ZDHHC14: variants seen among roughly 807,000 people sequenced by gnomAD.
ZDHHC14 encodes palmitoyltransferase ZDHHC14.
ZDHHC14 carries 16 observed loss-of-function variants against 47.7 expected under a neutral mutation model. That is an observed-to-expected ratio of 0.34 (90% CI 0.23 to 0.51). The LOEUF (loss-of-function observed/expected upper bound fraction) is 0.51. Ranked by LOEUF, ZDHHC14 falls within the 20% of genes least tolerant of loss-of-function variation. The pLI is 0.97. For synonymous variants in ZDHHC14, 293 were observed against 278.9 expected (o/e 1.05, Z -0.50); for missense variants, 515 against 662.5 (o/e 0.78, Z 2.44).
In ZDHHC14 at chr6:157,645,745, A is replaced by T; in HGVS notation, c.761A>T (p.Glu254Val). The T allele has an allele frequency of 5.0e-6, 8 of 1,613,814 alleles. No homozygotes were observed. The highest frequency in any genetic ancestry group is 6.8e-6 in the Non-Finnish European group (8 of 1,179,944). Residue 254 changes from glutamate (E) to valine (V), a missense_variant, in exon 6 of 9, where the codon GAG (glutamate) becomes GTG (valine). By Grantham distance (121) the Glu-to-Val change is moderately radical. Around this residue, in one of 4 missense-constraint regions of ZDHHC14, gnomAD observed 229 missense variants for 351.5 expected, o/e 0.65. Coordinates refer to ENST00000359775, the MANE Select transcript of ZDHHC14 (RefSeq NM_024630.3). ...ALKDSPASVL[E>V]AVVCFFSVWS... is the part of the protein sequence containing the mutation. Reference sequence around the variant, plus strand: ...TCCTTGACTCGCATCACCGTCCTGGAGGCTGTGGTGTGCTTCTTCTCTGTC... The same window carrying T: ...TCCTTGACTCGCATCACCGTCCTGGTGGCTGTGGTGTGCTTCTTCTCTGTC...
intron 8 of ZDHHC14, among the ~76,000 whole-genome samples, chr6:157,672,016 G>T (rs914571289): frequency 6.6e-6 from 1 of 151,946 alleles, no homozygotes; most frequent in African/African-American, 2.4e-5. Flanking sequence ...TCTTCCTCCC[G>T]CCCCAGCAGC....
At chr6:157,515,221 G>C (rs1212548564) in intron 1 of ZDHHC14, among the ~76,000 whole-genome samples, 3 of 152,074 alleles carry the variant, frequency 2.0e-5, no homozygotes, top group Non-Finnish European at 2.9e-5. Context: ...TATCGCTGGT[G>C]ACCAGAAGGT....
intron 1 of ZDHHC14, 152 bp from the exon 2 acceptor site, chr6:157,542,433 C>G: frequency 8.6e-7 from 1 of 1,159,676 alleles, no homozygotes; most frequent in South Asian, 1.6e-5. Flanking sequence ...AAACGTAAAT[C>G]TTTCACATAG....
chr6:157,580,610 G>A (rs1274886116), intron 2 of ZDHHC14, among the ~76,000 whole-genome samples: 4 of 152,026 alleles, frequency 2.6e-5, no homozygotes, highest in Non-Finnish European at 4.4e-5. Flanking sequence ...TCCTGGTTCA[G>A]TCTTTGGAGA....
At chr6:157,577,386 G>T (rs1417807140) in intron 2 of ZDHHC14, among the ~76,000 whole-genome samples, 1 of 152,186 alleles carries the variant, frequency 6.6e-6, no homozygotes, top group African/African-American at 2.4e-5. Context: ...ACCCAAAAAT[G>T]GGATTGCTGG....
intron 1 of ZDHHC14, among the ~76,000 whole-genome samples, chr6:157,518,208 A>G (rs1780771587): frequency 6.6e-6 from 1 of 152,170 alleles, no homozygotes; most frequent in Non-Finnish European, 1.5e-5. Flanking sequence ...ACTCTAAAGA[A>G]TCATGCACTA....
rs575618961 is a variant in ZDHHC14 at position 157,384,725 on chromosome 6, A to G, written c.245+2459A>G. On this transcript the variant is annotated intron_variant, in intron 1 of 8. Coordinates refer to ENST00000359775, the MANE Select transcript of ZDHHC14 (RefSeq NM_024630.3). ...TGTATTGCTTTCAAATTCTTTATTC[A>G]TAAATTAAATAACCAATTTGACCAA... Among the ~76,000 whole-genome samples the G allele has an allele frequency of 2.6e-5, 4 of 152,318 alleles. No individual in the cohort carries two copies. The East Asian group carries it at 7.7e-4, about 29-fold the overall frequency.
At chr6:157,660,568 C>G (rs1763255765) in intron 8 of ZDHHC14, among the ~76,000 whole-genome samples, 1 of 152,192 alleles carries the variant, frequency 6.6e-6, no homozygotes, top group Non-Finnish European at 1.5e-5. Context: ...CTCTTCAGAC[C>G]TGGCCCTATG....
chr6:157,510,170 G>T (rs1000884704), intron 1 of ZDHHC14, among the ~76,000 whole-genome samples: 2 of 152,202 alleles, frequency 1.3e-5, no homozygotes, highest in Admixed American at 1.3e-4. Flanking sequence ...CTTGAACCCG[G>T]AGGCTGGAAG....
At chr6:157,629,481 G>C (rs1460676915) in intron 4 of ZDHHC14, 1 of 147,248 alleles carries the variant, frequency 6.8e-6, no homozygotes, top group Non-Finnish European at 1.5e-5. Context: ...TCAGGCTCAC[G>C]TTAGGAGTAC....
At chr6:157,397,284 G>T (rs924330031) in intron 1 of ZDHHC14, among the ~76,000 whole-genome samples, 1 of 152,134 alleles carries the variant, frequency 6.6e-6, no homozygotes, top group Non-Finnish European at 1.5e-5. Context: ...GTAATGAATT[G>T]TTACAAACGG....
chr6:157,628,402 T>C lies in ZDHHC14; in HGVS notation c.619T>C (p.Tyr207His), dbSNP rs1785525360. 6.2e-7 allele frequency: 1 copy of C among 1,613,368 alleles called. No homozygotes were observed. The highest frequency in any genetic ancestry group is 1.3e-5 in the African/African-American group (1 of 74,780). ...WVGNCVGKRN[Y>H]RFFYMFILSL... is the part of the protein sequence containing the mutation. The stretch of plus-strand genomic sequence containing the variant: ...AGGCAACTGTGTGGGGAAAAGAAAC[T>C]ACAGATTTTTTTATATGTTTATTTT... The change falls in exon 4 of 9, where the codon TAC (tyrosine) becomes CAC (histidine). Residue 207 changes from tyrosine to histidine, a missense_variant. By Grantham distance (83) the Tyr-to-His change is moderately conservative. Transcript: ENST00000359775.
At chr6:157,564,042 A>C (rs1418169273) in intron 2 of ZDHHC14, among the ~76,000 whole-genome samples, 2 of 152,236 alleles carry the variant, frequency 1.3e-5, no homozygotes, top group Non-Finnish European at 2.9e-5. Flanking sequence ...CCTTGCAGAG[A>C]GGAAACTGGG....
At chr6:157,666,897 C>T (rs1356434564) in intron 8 of ZDHHC14, among the ~76,000 whole-genome samples, 1 of 152,212 alleles carries the variant, frequency 6.6e-6, no homozygotes, top group Non-Finnish European at 1.5e-5. Context: ...TTGCAAGTTA[C>T]ATGCCGACAC....
intron 5 of ZDHHC14, among the ~76,000 whole-genome samples, chr6:157,640,927 ATGGTCT>A (rs1777218347): frequency 6.6e-6 from 1 of 152,170 alleles, no homozygotes; most frequent in Non-Finnish European, 1.5e-5. Flanking sequence ...GTCCTTCCAG[ATGGTCT>A]TAGAGTTTGA....
chr6:157,574,103 A>C (rs1783206383), intron 2 of ZDHHC14, among the ~76,000 whole-genome samples: 1 of 151,444 alleles, frequency 6.6e-6, no homozygotes, highest in Non-Finnish European at 1.5e-5. Context: ...ACCACACTCT[A>C]CACCTCTCTG....
intron 3 of ZDHHC14, among the ~76,000 whole-genome samples, chr6:157,617,284 A>C (rs1183181128): frequency 6.6e-6 from 1 of 152,240 alleles, no homozygotes; most frequent in Non-Finnish European, 1.5e-5. Context: ...AAACACAGAT[A>C]TATATGGCCT....
At chr6:157,600,648 G>A (rs1784303630) in intron 3 of ZDHHC14, among the ~76,000 whole-genome samples, 1 of 152,136 alleles carries the variant, frequency 6.6e-6, no homozygotes. Context: ...TCAAGTGATT[G>A]GCCCACCTTG....
At chr6:157,475,880 G>A (rs184942086) in intron 1 of ZDHHC14, among the ~76,000 whole-genome samples, 2,323 of 152,138 alleles carry the variant, frequency 0.015, 31 homozygotes, top group Non-Finnish European at 0.023. Flanking sequence ...AATTAAAAGG[G>A]AAATTTTAAA....
Sources: gnomAD v4.1 joint callset for allele counts (sites outside exome capture counted in the v4.1 genomes callset) on GRCh38, gnomAD v4.1.1 for gene constraint, gnomAD v4.1.1 regional missense constraint, MANE v1.5 for transcripts, NCBI Gene and HGNC (gene_info 2026-07-23, HGNC 2026-07-21) for gene names.